Variants in CENPQ observed in about 807,000 individuals in gnomAD.
The protein encoded by CENPQ is chromosome 6 open reading frame 139.
A neutral mutation model predicts 36.6 loss-of-function variants in CENPQ; 27 were observed. The ratio of observed to expected loss-of-function variants is 0.74; its 90% CI spans 0.54 to 1.02. The LOEUF is 1.02. CENPQ is among the 50% of genes least tolerant of loss of function. The pLI is 0.00. For synonymous variants in CENPQ, 101 were observed against 101.7 expected (o/e 0.99, Z 0.04); for missense variants, 306 against 301.8 (o/e 1.01, Z -0.10).
At chr6:49,479,779 A>G (rs1454864632) in intron 5 of CENPQ, among the ~76,000 whole-genome samples, 1 of 152,240 alleles carries the variant, frequency 6.6e-6, no homozygotes, top group East Asian at 1.9e-4. Flanking sequence ...AAAACTTGGA[A>G]TGCTATGCAG....
At chr6:49,484,050 A>G (rs1463522671) in intron 6 of CENPQ, among the ~76,000 whole-genome samples, 1 of 152,190 alleles carries the variant, frequency 6.6e-6, no homozygotes, top group African/African-American at 2.4e-5. Context: ...AATTTAGAGG[A>G]GCTTATCACT....
chr6:49,492,229 T>C lies in CENPQ; in HGVS notation c.761T>C (p.Met254Thr), dbSNP rs762293840. ...ILHNSSQMKS[M>T]STFIEEAYKK... ...CATAATTCATCACAGATGAAGAGCA[T>C]GTCAACCTTCATTGAAGAAGCCTAT... Residue 254 changes from methionine (M) to threonine (T), a missense_variant, in exon 9 of 9, where the codon ATG (methionine) becomes ACG (threonine). Met to Thr is a moderately conservative substitution (Grantham distance 81, BLOSUM62 -1). Coordinates refer to ENST00000335783, the MANE Select transcript of CENPQ (RefSeq NM_018132.4). 3 of 1,607,292 alleles carry C rather than the reference T, an allele frequency of 1.9e-6. 1 individual carries two copies. The South Asian group carries it at 3.4e-5, about 18-fold the overall frequency.
At chr6:49,488,042 G>A (rs1226980379) in intron 6 of CENPQ, among the ~76,000 whole-genome samples, 1 of 152,146 alleles carries the variant, frequency 6.6e-6, no homozygotes, top group Non-Finnish European at 1.5e-5. Flanking sequence ...TCTGGGCTCT[G>A]CTAGATTTAC....
chr6:49,472,385 A>T (rs1003664324), intron 4 of CENPQ, among the ~76,000 whole-genome samples: 10 of 152,184 alleles, frequency 6.6e-5, no homozygotes, highest in African/African-American at 2.4e-4. Context: ...CCATCGGTGA[A>T]ATAAAAGCAA....
chr6:49,470,520 G>C (rs1246064135), intron 2 of CENPQ, among the ~76,000 whole-genome samples: 1 of 150,922 alleles, frequency 6.6e-6, no homozygotes, highest in East Asian at 2.0e-4. Flanking sequence ...TCGGGAGGAG[G>C]TTGAAGCAGC....
chr6:49,473,063 A>T (rs1440105278), intron 5 of CENPQ, among the ~76,000 whole-genome samples: 1 of 152,094 alleles, frequency 6.6e-6, no homozygotes, highest in African/African-American at 2.4e-5. Flanking sequence ...TACAAAAAAA[A>T]CCCTGAAAAT....
chr6:49,473,765 A>C (rs2127424617), intron 5 of CENPQ, among the ~76,000 whole-genome samples: 1 of 152,352 alleles, frequency 6.6e-6, no homozygotes, highest in Non-Finnish European at 1.5e-5. Context: ...TGCTGTATTC[A>C]GGAGACCCAT....
chr6:49,486,075 CAA>C (rs889333893), intron 6 of CENPQ, among the ~76,000 whole-genome samples: 3 of 151,930 alleles, frequency 2.0e-5, no homozygotes, highest in Admixed American at 6.6e-5. Flanking sequence ...TTATAAAAGA[CAA>C]GAGAAGGCAC....
chr6:49,491,588 G>A (rs1294243392), intron 8 of CENPQ, among the ~76,000 whole-genome samples: 1 of 152,114 alleles, frequency 6.6e-6, no homozygotes, highest in Non-Finnish European at 1.5e-5. Flanking sequence ...TGTAGCATTG[G>A]AAAGTCTTCA....
At chr6:49,474,119 A>G (rs767992514) in intron 5 of CENPQ, among the ~76,000 whole-genome samples, 1 of 152,120 alleles carries the variant, frequency 6.6e-6, no homozygotes, top group African/African-American at 2.4e-5. Flanking sequence ...TGAGACAGAA[A>G]ATTAACAAGG....
intron 6 of CENPQ, among the ~76,000 whole-genome samples, chr6:49,481,415 C>G (rs1265232130): frequency 6.6e-6 from 1 of 152,036 alleles, no homozygotes; most frequent in Admixed American, 6.6e-5. Flanking sequence ...ATTTGTTCCT[C>G]CCGGTGGGTT....
intron 1 of CENPQ, among the ~76,000 whole-genome samples, chr6:49,468,358 C>T (rs1470411720): frequency 6.6e-6 from 1 of 151,698 alleles, no homozygotes; most frequent in African/African-American, 2.4e-5. Context: ...TTTGGGAGAC[C>T]GAGGCAGGAG....
chr6:49,480,789 T>C (rs1373981077), intron 5 of CENPQ, among the ~76,000 whole-genome samples, 162 bp from the exon 6 acceptor site: 1 of 152,166 alleles, frequency 6.6e-6, no homozygotes, highest in African/African-American at 2.4e-5. Flanking sequence ...TGATGATTTG[T>C]CAGGGCTTTT....
intron 5 of CENPQ, among the ~76,000 whole-genome samples, chr6:49,473,926 C>A (rs1199547155): frequency 6.6e-6 from 1 of 151,890 alleles, no homozygotes; most frequent in East Asian, 1.9e-4. Flanking sequence ...CAAAGAAGAC[C>A]GTTAATAATA....
intron 4 of CENPQ, among the ~76,000 whole-genome samples, chr6:49,472,410 A>G (rs1014610026): frequency 1.3e-5 from 2 of 152,178 alleles, no homozygotes; most frequent in African/African-American, 2.4e-5. Flanking sequence ...TTGTGGCCTG[A>G]CTTGCTATCA....
chr6:49,472,264 T>C, intron 4 of CENPQ, 81 bp downstream of exon 4: 1 of 1,155,208 alleles, frequency 8.7e-7, no homozygotes, highest in Non-Finnish European at 1.2e-6. Flanking sequence ...TAAATATTGC[T>C]ATCTATTTTA....
At chr6:49,480,881 T>A in intron 5 of CENPQ, 70 bp from the exon 6 acceptor site, 1 of 1,122,520 alleles carries the variant, frequency 8.9e-7, no homozygotes, top group Non-Finnish European at 1.2e-6. Context: ...CAAGAAAAAA[T>A]GAGGACTGTT....
intron 8 of CENPQ, among the ~76,000 whole-genome samples, chr6:49,490,122 A>G (rs2501966): frequency 0.44 from 66,290 of 152,052 alleles, 14,918 homozygotes; most frequent in Admixed American, 0.61. Context: ...TCCAACTATC[A>G]AAGTCCTAGA....
intron 3 of CENPQ, among the ~76,000 whole-genome samples, chr6:49,471,557 C>A (rs1364410419): frequency 2.0e-5 from 3 of 152,072 alleles, no homozygotes; most frequent in Admixed American, 6.6e-5. Context: ...CTTTGCACAC[C>A]TATAATTTGT....
Sources: allele counts gnomAD v4.1 joint callset (sites outside exome capture counted in the v4.1 genomes callset), GRCh38; gene constraint gnomAD v4.1.1; transcripts MANE v1.5; gene names NCBI Gene and HGNC (gene_info 2026-07-23, HGNC 2026-07-21).